The following CSMD1 variants were observed in gnomAD, a reference collection of about 807,000 sequenced individuals.
CSMD1 encodes the protein CUB and sushi domain-containing protein 1.
A neutral mutation model predicts 417.5 loss-of-function variants in CSMD1; 213 were observed. The observed-to-expected ratio is 0.51, with a 90% CI of 0.46 to 0.57. The LOEUF is 0.57. CSMD1 is among the 20% of genes least tolerant of loss of function. The probability of loss-of-function intolerance (pLI) is 0.00; values close to 1 mark genes in which losing one functional copy is unlikely to be tolerated. For missense variants in CSMD1, 6,923 were observed against 4,529.7 expected (o/e 1.53, Z -15.17); for synonymous variants, 2,862 against 1,736.8 (o/e 1.65, Z -16.11).
chr8:4,787,710 T>C (rs117133114), intron 1 of CSMD1: 18,956 of 1,591,748 alleles, frequency 0.012, 161 homozygotes, highest in East Asian at 0.025. Flanking sequence ...TCAAGGATGC[T>C]GCCAATAATG....
chr8:3,441,710 C>T (rs970207668), intron 12 of CSMD1, among the ~76,000 whole-genome samples: 1 of 152,058 alleles, frequency 6.6e-6, no homozygotes. Flanking sequence ...GTGCTGCCAG[C>T]CATGTGAAAG....
At chr8:3,173,923 C>A (rs1302730469) in intron 37 of CSMD1, among the ~76,000 whole-genome samples, 1 of 152,094 alleles carries the variant, frequency 6.6e-6, no homozygotes, top group African/African-American at 2.4e-5. Context: ...AACGTCCTGC[C>A]AAAAATGTTG....
At position 4,905,374 on chromosome 8, in the gene CSMD1, A is replaced by T. The variant is rs1452362783; in HGVS notation, c.85+88958T>A. 2.0e-5 allele frequency among the ~76,000 whole-genome samples: 3 copies of T among 152,088 alleles called. 1 individual carries two copies. The highest frequency in any genetic ancestry group is 2.9e-5 in the Non-Finnish European group (2 of 68,016). On this transcript the variant is annotated intron_variant, in intron 1 of 69. Coordinates refer to ENST00000635120, the MANE Select transcript of CSMD1 (RefSeq NM_033225.6). ...TCATTAGACTCTTAGATAGATTTAT[A>T]AAATATATATATTTACACAGTGTAT...
At chr8:3,465,658 C>A (rs1036053289) in intron 12 of CSMD1, among the ~76,000 whole-genome samples, 4 of 152,088 alleles carry the variant, frequency 2.6e-5, no homozygotes, top group African/African-American at 7.2e-5. Flanking sequence ...TCAGGCTATT[C>A]CTGATTTCTT....
At chr8:4,645,589 G>A (rs1390726283) in intron 1 of CSMD1, among the ~76,000 whole-genome samples, 1 of 152,102 alleles carries the variant, frequency 6.6e-6, no homozygotes, top group Non-Finnish European at 1.5e-5. Flanking sequence ...ACAGGTGCGG[G>A]ATGACGAGGC....
chr8:3,074,766 A>C (rs1813529397), intron 49 of CSMD1, among the ~76,000 whole-genome samples: 1 of 152,228 alleles, frequency 6.6e-6, no homozygotes, highest in Non-Finnish European at 1.5e-5. Flanking sequence ...ATTTTATTAT[A>C]ATTTTTGGAT....
rs1434710914 is a variant in CSMD1 at position 3,930,122 on chromosome 8, C to T, written c.818+67781G>A. 2.7e-5 allele frequency among the ~76,000 whole-genome samples: 4 copies of T among 150,208 alleles called. No homozygotes were observed. The East Asian group carries it at 7.8e-4, about 29-fold the overall frequency. ...CTTTATTTGGTACTGGGAAAACCTACAAAAGCAGTACCCTACCATTGTAAA... is the reference window on the plus strand; with the variant it reads ...CTTTATTTGGTACTGGGAAAACCTATAAAAGCAGTACCCTACCATTGTAAA... On this transcript the variant is annotated intron_variant, in intron 5 of 69. Transcript: ENST00000635120.
intron 4 of CSMD1, among the ~76,000 whole-genome samples, chr8:3,998,543 G>A (rs898015174): frequency 2.6e-5 from 4 of 152,146 alleles, no homozygotes; most frequent in Admixed American, 6.5e-5. Context: ...AGAAATGGTT[G>A]TCTTAAATTT....
chr8:4,849,784 T>A (rs976035284), intron 1 of CSMD1, among the ~76,000 whole-genome samples: 4 of 152,220 alleles, frequency 2.6e-5, no homozygotes, highest in African/African-American at 7.2e-5. Flanking sequence ...GTGCACTCAA[T>A]GATGTTCATA....
chr8:4,809,540 C>T (rs1218958272), intron 1 of CSMD1, among the ~76,000 whole-genome samples: 1 of 152,084 alleles, frequency 6.6e-6, no homozygotes, highest in South Asian at 2.1e-4. Context: ...AGTAAAGAGG[C>T]CTTAGGTTTA....
At chr8:4,080,981 G>A (rs13259971) in intron 3 of CSMD1, among the ~76,000 whole-genome samples, 2,455 of 152,192 alleles carry the variant, frequency 0.016, 29 homozygotes, top group Middle Eastern at 0.058. Flanking sequence ...CCTTATACAA[G>A]AGGCTTCACA....
At chr8:4,927,619 A>G (rs962158493) in intron 1 of CSMD1, among the ~76,000 whole-genome samples, 1 of 152,228 alleles carries the variant, frequency 6.6e-6, no homozygotes, top group South Asian at 2.1e-4. Flanking sequence ...TAAACTGACG[A>G]AAGACAACAG....
At chr8:4,443,570 C>A (rs1013304677) in intron 2 of CSMD1, among the ~76,000 whole-genome samples, 1 of 152,182 alleles carries the variant, frequency 6.6e-6, no homozygotes, top group South Asian at 2.1e-4. Flanking sequence ...GCTCAAGACA[C>A]ATGAATAATA....
At chr8:3,869,426 T>A (rs1297502241) in intron 5 of CSMD1, among the ~76,000 whole-genome samples, 5 of 152,170 alleles carry the variant, frequency 3.3e-5, no homozygotes, top group Non-Finnish European at 5.9e-5. Context: ...TTTTCTCCAA[T>A]CCTGTCCTGC....
intron 33 of CSMD1, among the ~76,000 whole-genome samples, chr8:3,193,438 C>T (rs1206943188): frequency 6.6e-6 from 1 of 152,110 alleles, no homozygotes; most frequent in Non-Finnish European, 1.5e-5. Context: ...GGAATTGAGA[C>T]ATCACAGCTC....
chr8:4,901,567 T>A (rs58144592), intron 1 of CSMD1, among the ~76,000 whole-genome samples: 3,300 of 151,926 alleles, frequency 0.022, 122 homozygotes, highest in African/African-American at 0.075. Context: ...TGAAAGAAAA[T>A]GTCAGATGTT....
chr8:4,233,641 C>T (rs1801873921), intron 3 of CSMD1, among the ~76,000 whole-genome samples: 1 of 152,118 alleles, frequency 6.6e-6, no homozygotes, highest in Admixed American at 6.5e-5. Flanking sequence ...CCAGATGCTC[C>T]AGATCTGTGA....
intron 26 of CSMD1, among the ~76,000 whole-genome samples, chr8:3,243,262 G>T (rs1799660390): frequency 6.6e-6 from 1 of 152,096 alleles, no homozygotes; most frequent in South Asian, 2.1e-4. Context: ...CAAAGAGCAG[G>T]AGAACAGGGG....
intron 18 of CSMD1, among the ~76,000 whole-genome samples, chr8:3,385,287 G>A (rs1411949673): frequency 6.7e-6 from 1 of 149,586 alleles, no homozygotes; most frequent in Non-Finnish European, 1.5e-5. Flanking sequence ...ATGTATGTAT[G>A]TATATAGGCC....
Sources: gnomAD v4.1 joint callset for allele counts (sites outside exome capture counted in the v4.1 genomes callset) on GRCh38, gnomAD v4.1.1 for gene constraint, MANE v1.5 for transcripts, NCBI Gene and HGNC (gene_info 2026-07-23, HGNC 2026-07-21) for gene names.